The following MSANTD3 variants were observed in gnomAD, a reference collection of about 807,000 sequenced individuals.
The protein encoded by MSANTD3 is myb/SANT-like DNA-binding domain-containing protein 3.
In MSANTD3, 11 loss-of-function variants were observed where a neutral mutation model predicts 27.7. The observed-to-expected ratio is 0.40, with a 90% confidence interval of 0.25 to 0.66. MSANTD3 has a LOEUF of 0.66. MSANTD3 is among the 30% of genes least tolerant of loss of function. The pLI is 0.41. For missense variants in MSANTD3, 250 were observed against 336.5 expected (o/e 0.74, Z 2.01); for synonymous variants, 131 against 127.2 (o/e 1.03, Z -0.20).
rs1256549461 is a variant in MSANTD3 at position 100,427,212 on chromosome 9, G to A, written c.-215G>A. 1 of 145,772 alleles carries A rather than the reference G, an allele frequency of 6.9e-6. No homozygotes were observed. Among genetic ancestry groups the A allele is most frequent in the African/African-American group, 2.5e-5 (1 of 40,740 alleles). The allele number at this position is 145,772 out of a possible 1,614,324, so 9.0% of individuals were successfully genotyped here. ...GGGGCGGCGGCGTCCGGGCTTTGTG[G>A]CCGCGGCGCGCGCGGCGGGGCCTGG... On this transcript the variant is annotated 5_prime_UTR_variant, in exon 1 of 3. Transcript: ENST00000395067.
chr9:100,430,060 C>T (rs1338368892), intron 1 of MSANTD3, among the ~76,000 whole-genome samples: 6 of 140,894 alleles, frequency 4.3e-5, no homozygotes, highest in African/African-American at 1.6e-4. Context: ...TTACCTTTGT[C>T]TTATCTTTGC....
In MSANTD3 at chr9:100,451,023, A is replaced by G. The variant is rs1836873626; in HGVS notation, c.*57A>G. The G allele has an allele frequency of 1.3e-6, 2 of 1,507,830 alleles. No homozygotes were observed. Among genetic ancestry groups the G allele is most frequent in the Non-Finnish European group, 1.8e-6 (2 of 1,127,084 alleles). 93.4% of individuals were successfully genotyped at this position (1,507,830 alleles called of 1,614,324 possible). A position where few individuals can be genotyped will look rare whatever the true frequency, so the allele number is the denominator to read the frequency against. ...TGTGTTGGCAAAGAATGTCTGGAAC[A>G]TGGACTTGGCGGTCAGTAACCTGTA... On this transcript the variant is annotated 3_prime_UTR_variant, in exon 3 of 3. Transcript: ENST00000395067.
chr9:100,446,061 A>G (rs1321864978), intron 2 of MSANTD3, among the ~76,000 whole-genome samples: 1 of 152,200 alleles, frequency 6.6e-6, no homozygotes, highest in Non-Finnish European at 1.5e-5. Flanking sequence ...AGCCAATAAA[A>G]TTCGCTAGGA....
chr9:100,450,591 T>C lies in MSANTD3; in HGVS notation c.453T>C (p.Asp151=). 2 of 1,591,158 alleles carry C rather than the reference T, an allele frequency of 1.3e-6. No individual in the cohort carries two copies. Among genetic ancestry groups the C allele is most frequent in the East Asian group, 2.2e-5 (1 of 44,718 alleles). ...SFAVSNRELC[D]DEKEFIHFPV... ...CTGTTTCAAATAGAGAACTGTGCGA[T>C]GATGAGAAAGAGTTCATACATTTTC... The change falls in exon 3 of 3, where the codon GAT becomes GAC. Residue 151 remains aspartate, a synonymous_variant. Transcript: ENST00000395067.
chr9:100,448,287 A>T (rs1360875083), intron 2 of MSANTD3: 3 of 985,092 alleles, frequency 3.0e-6, no homozygotes, highest in Non-Finnish European at 3.6e-6. Context: ...GACTCAGAGG[A>T]GTATCCAGAA....
intron 1 of MSANTD3, among the ~76,000 whole-genome samples, chr9:100,441,640 A>G (rs897953613): frequency 7.0e-6 from 1 of 142,918 alleles, no homozygotes; most frequent in African/African-American, 2.9e-5. Context: ...ACTCCGTTTC[A>G]AAAAAAAAAT....
intron 1 of MSANTD3, among the ~76,000 whole-genome samples, chr9:100,431,008 T>C (rs983035232): frequency 4.6e-5 from 7 of 151,834 alleles, no homozygotes; most frequent in South Asian, 4.2e-4. Flanking sequence ...TTTTCTTTTT[T>C]TTTTTGTTTT....
chr9:100,431,836 T>C (rs1368595396), intron 1 of MSANTD3, among the ~76,000 whole-genome samples: 1 of 151,488 alleles, frequency 6.6e-6, no homozygotes, highest in Non-Finnish European at 1.5e-5. Context: ...GTGGTGGGAG[T>C]GGAGGAGAGT....
chr9:100,432,767 G>T (rs888346546), intron 1 of MSANTD3, among the ~76,000 whole-genome samples: 11 of 152,188 alleles, frequency 7.2e-5, no homozygotes, highest in Admixed American at 7.2e-4. Flanking sequence ...ACTTCATTCT[G>T]CTGTAATGCT....
At chr9:100,442,702 G>A (rs1344910026) in intron 2 of MSANTD3, among the ~76,000 whole-genome samples, 9 of 151,560 alleles carry the variant, frequency 5.9e-5, no homozygotes, top group Admixed American at 5.3e-4. Context: ...CCAGCTACTC[G>A]GGAGGCTGAG....
intron 1 of MSANTD3, among the ~76,000 whole-genome samples, chr9:100,431,229 C>T (rs1376715285): frequency 2.0e-5 from 3 of 151,290 alleles, no homozygotes; most frequent in African/African-American, 2.4e-5. Context: ...CTCGAACTCC[C>T]GACCTCAGGT....
chr9:100,441,400 G>C (rs936553880), intron 1 of MSANTD3, among the ~76,000 whole-genome samples: 4 of 151,966 alleles, frequency 2.6e-5, no homozygotes, highest in Non-Finnish European at 5.9e-5. Context: ...TTGGGAGGCC[G>C]AGGCAGGCAG....
intron 1 of MSANTD3, among the ~76,000 whole-genome samples, chr9:100,432,105 G>C (rs1250687494): frequency 1.3e-5 from 2 of 152,054 alleles, no homozygotes; most frequent in Non-Finnish European, 2.9e-5. Flanking sequence ...ACACAAGGCT[G>C]GTTCTGCATG....
intron 1 of MSANTD3, among the ~76,000 whole-genome samples, chr9:100,430,089 C>G (rs1479908674): frequency 1.4e-5 from 2 of 141,214 alleles, no homozygotes; most frequent in East Asian, 2.0e-4. Flanking sequence ...TCTCTCCTCT[C>G]TCTCTCAAAA....
chr9:100,449,757 T>C (rs56720423), intron 2 of MSANTD3, among the ~76,000 whole-genome samples: 21,444 of 151,888 alleles, frequency 0.14, 1,755 homozygotes, highest in Middle Eastern at 0.2. Flanking sequence ...CAGATGGGAA[T>C]CCCCAGGAGA....
intron 1 of MSANTD3, among the ~76,000 whole-genome samples, chr9:100,431,121 G>T (rs111818409): frequency 1.3e-5 from 2 of 151,660 alleles, no homozygotes; most frequent in African/African-American, 4.8e-5. Context: ...TCCTGCCTCA[G>T]CCTCCTGAAT....
intron 1 of MSANTD3, among the ~76,000 whole-genome samples, chr9:100,436,738 G>A (rs12004891): frequency 0.012 from 1,902 of 152,162 alleles, 39 homozygotes; most frequent in African/African-American, 0.043. Context: ...GTGCTCAAGC[G>A]GAATGCCAGC....
At chr9:100,447,820 CTATCATCATCATTGTCATCACCA>C (rs1823863262) in intron 2 of MSANTD3, among the ~76,000 whole-genome samples, 1 of 152,212 alleles carries the variant, frequency 6.6e-6, no homozygotes, top group Non-Finnish European at 1.5e-5. Context: ...ACAGTAGGTG[CTATCATCATCATTGTCATCACCA>C]TATCATCATC....
chr9:100,440,645 C>T lies in MSANTD3; in HGVS notation c.-33-1261C>T, dbSNP rs143028346. ...CTCCTTTGTCATCCAGGCTGGAGTGCGGTGGTGCAAACATGGCTCACTGTA... is the reference window on the plus strand; with the variant it reads ...CTCCTTTGTCATCCAGGCTGGAGTGTGGTGGTGCAAACATGGCTCACTGTA... On this transcript the variant is annotated intron_variant, in intron 1 of 2. Transcript: ENST00000395067. Among the ~76,000 whole-genome samples the T allele has an allele frequency of 4.5e-3, 665 of 147,236 alleles. 4 individuals are homozygous for T. The highest frequency in any genetic ancestry group is 7.9e-3 in the Non-Finnish European group (533 of 67,312).
Sources: gnomAD v4.1 joint callset for allele counts (sites outside exome capture counted in the v4.1 genomes callset) on GRCh38, gnomAD v4.1.1 for gene constraint, MANE v1.5 for transcripts, NCBI Gene and HGNC (gene_info 2026-07-23, HGNC 2026-07-21) for gene names.